Variants in CCDC146 observed in about 807,000 individuals in gnomAD.
CCDC146 encodes the protein coiled-coil domain-containing protein 146.
In CCDC146, 92 loss-of-function variants were observed where a neutral mutation model predicts 119.3. The ratio of observed to expected loss-of-function variants is 0.77; its 90% confidence interval spans 0.65 to 0.92. CCDC146 has a LOEUF of 0.92. CCDC146 is among the 40% of genes least tolerant of loss of function. The pLI, the probability that CCDC146 is intolerant of heterozygous loss-of-function variation, is 0.00. For missense variants in CCDC146, 1,000 were observed against 1,103.0 expected (o/e 0.91, Z 1.32); for synonymous variants, 372 against 371.8 (o/e 1.00, Z -0.01).
At chr7:77,293,252 A>C in intron 18 of CCDC146, 52 bp downstream of exon 18, 1 of 1,564,302 alleles carries the variant, frequency 6.4e-7, no homozygotes, top group Non-Finnish European at 8.6e-7. Flanking sequence ...CAGGGGTTGC[A>C]TTCAGGCAAC....
intron 4 of CCDC146, among the ~76,000 whole-genome samples, chr7:77,252,465 A>AT (rs1793094339): frequency 6.6e-6 from 1 of 152,246 alleles, no homozygotes; most frequent in African/African-American, 2.4e-5. Flanking sequence ...CATGTTTATA[A>AT]TTTTGAAAAT....
At chr7:77,281,866 A>G (rs1216894438) in intron 14 of CCDC146, among the ~76,000 whole-genome samples, 1 of 152,200 alleles carries the variant, frequency 6.6e-6, no homozygotes, top group Non-Finnish European at 1.5e-5. Flanking sequence ...AAAAAATGCT[A>G]TTCAGCTCCT....
intron 2 of CCDC146, among the ~76,000 whole-genome samples, chr7:77,209,245 C>T (rs1365350531): frequency 6.6e-6 from 1 of 152,204 alleles, no homozygotes; most frequent in African/African-American, 2.4e-5. Context: ...TGAGTAAATA[C>T]ACCCATTCCA....
chr7:77,255,481 T>A (rs1214281185), intron 5 of CCDC146: 2 of 152,180 alleles, frequency 1.3e-5, no homozygotes, highest in Non-Finnish European at 2.9e-5. Context: ...AAAACCTGTT[T>A]AGCATAGAGT....
chr7:77,268,555 C>T (rs1399265127), intron 9 of CCDC146, among the ~76,000 whole-genome samples: 3 of 152,220 alleles, frequency 2.0e-5, no homozygotes, highest in Non-Finnish European at 4.4e-5. Flanking sequence ...TCTCTTCCGA[C>T]TCTATTTCAT....
chr7:77,135,256 C>T (rs978693379), intron 1 of CCDC146, among the ~76,000 whole-genome samples: 9 of 152,052 alleles, frequency 5.9e-5, no homozygotes, highest in South Asian at 2.1e-4. Context: ...GGGAGGCCAT[C>T]GTGGGTGGAT....
chr7:77,260,875 G>A (rs1253610449), intron 8 of CCDC146, among the ~76,000 whole-genome samples: 2 of 152,114 alleles, frequency 1.3e-5, no homozygotes, highest in East Asian at 1.9e-4. Context: ...TGATCCACCC[G>A]CTTTGGCCTC....
chr7:77,260,037 G>C lies in CCDC146; in HGVS notation c.787G>C (p.Glu263Gln), dbSNP rs17853516. 0.041 allele frequency: 64,322 copies of C among 1,564,516 alleles called. 2,573 individuals are homozygous for C. The highest frequency in any genetic ancestry group is 0.18 in the African/African-American group (13,016 of 71,892). The change falls in exon 8 of 19, where the codon GAA becomes CAA. Residue 263 changes from glutamate to glutamine, a missense_variant. Glu to Gln is a conservative substitution (Grantham distance 29, BLOSUM62 2). This residue lies in a region of CCDC146 where 985 missense variants were observed against 1,045.3 expected (regional missense o/e 0.94). Coordinates refer to ENST00000285871, the MANE Select transcript of CCDC146 (RefSeq NM_020879.3). ...VEMEKKKIVL[E>Q]QEVKTLNDSL... ...AATGGAAAAGAAAAAAATTGTCTTG[G>C]AACAAGAAGTCAAAACGCTAAATGA...
At chr7:77,280,899 C>T (rs1046656319) in intron 14 of CCDC146, among the ~76,000 whole-genome samples, 1 of 152,064 alleles carries the variant, frequency 6.6e-6, no homozygotes, top group Non-Finnish European at 1.5e-5. Flanking sequence ...CTCAGGAGTT[C>T]GAGACCAGCC....
intron 1 of CCDC146, among the ~76,000 whole-genome samples, chr7:77,152,643 C>T (rs148407514): frequency 1.3e-5 from 2 of 152,112 alleles, no homozygotes; most frequent in East Asian, 1.9e-4. Flanking sequence ...AAATGTCTCA[C>T]GGTGAGAACT....
At chr7:77,122,968 G>A (rs1197332531) in intron 1 of CCDC146, among the ~76,000 whole-genome samples, 3 of 149,840 alleles carry the variant, frequency 2.0e-5, no homozygotes, top group African/African-American at 4.9e-5. Flanking sequence ...CTGACCCTAA[G>A]TGACCTTACT....
Position 77,276,142 on chromosome 7 carries a change from G to A in CCDC146, c.1440+1490G>A, listed in dbSNP as rs573694350. Among the ~76,000 whole-genome samples, 352 of 147,670 alleles carry A rather than the reference G, an allele frequency of 2.4e-3. 1 individual carries two copies. The highest frequency in any genetic ancestry group is 8.1e-3 in the African/African-American group (322 of 39,826). On this transcript the variant is annotated intron_variant, in intron 11 of 18. Coordinates refer to ENST00000285871, the MANE Select transcript of CCDC146 (RefSeq NM_020879.3). ...AATCGTTTGAACCTAGGAGGTGGAG[G>A]TTGTAGTGAGCCAAAATCGCACCAC...
At chr7:77,251,250 G>A (rs1378634558) in intron 4 of CCDC146, among the ~76,000 whole-genome samples, 1 of 152,014 alleles carries the variant, frequency 6.6e-6, no homozygotes, top group East Asian at 1.9e-4. Context: ...TTGAACTCCT[G>A]ACCTCAAGTT....
At chr7:77,226,217 G>C in intron 2 of CCDC146, among the ~76,000 whole-genome samples, 1 of 152,190 alleles carries the variant, frequency 6.6e-6, no homozygotes, top group Non-Finnish European at 1.5e-5. Flanking sequence ...AGTGAGAGGG[G>C]AGCAGGCGAA....
chr7:77,130,706 C>A (rs570701451), intron 1 of CCDC146, among the ~76,000 whole-genome samples: 59 of 147,962 alleles, frequency 4.0e-4, no homozygotes, highest in African/African-American at 1.5e-3. Flanking sequence ...TCACGCCATT[C>A]TCCTGCCTCA....
Position 77,279,118 on chromosome 7 carries a change from C to T in CCDC146, c.1694+17C>T, listed in dbSNP as rs777525395. On this transcript the variant is annotated intron_variant, in intron 13 of 18. Transcript: ENST00000285871. ...TCAAGAAAGGTAAGTGTTATAATAA[C>T]TATTGGCCTTTCAAAGGCTTGTTTT... The T allele has an allele frequency of 5.0e-6, 8 of 1,599,828 alleles. No individual in the cohort carries two copies. The highest frequency in any genetic ancestry group is 6.8e-6 in the Non-Finnish European group (8 of 1,176,266).
chr7:77,251,010 T>C (rs1793049402), intron 4 of CCDC146, among the ~76,000 whole-genome samples: 1 of 147,138 alleles, frequency 6.8e-6, no homozygotes, highest in Admixed American at 6.7e-5. Flanking sequence ...TGTGTGTGTG[T>C]GTGTGTGTGT....
chr7:77,203,731 G>A (rs1301076500), intron 2 of CCDC146, among the ~76,000 whole-genome samples: 4 of 152,146 alleles, frequency 2.6e-5, no homozygotes, highest in Non-Finnish European at 5.9e-5. Context: ...TCATGGCGGT[G>A]TCAGAATCTT....
At chr7:77,143,895 G>A (rs1248862809) in intron 1 of CCDC146, among the ~76,000 whole-genome samples, 1 of 151,762 alleles carries the variant, frequency 6.6e-6, no homozygotes, top group Non-Finnish European at 1.5e-5. Flanking sequence ...ACTTGGCAAT[G>A]TGGGCTCTTT....
Sources: gnomAD v4.1 joint callset for allele counts (sites outside exome capture counted in the v4.1 genomes callset) on GRCh38, gnomAD v4.1.1 for gene constraint, gnomAD v4.1.1 regional missense constraint, MANE v1.5 for transcripts, NCBI Gene and HGNC (gene_info 2026-07-23, HGNC 2026-07-21) for gene names.